The following CAMK2D variants were observed in gnomAD, a reference collection of about 807,000 sequenced individuals.
CAMK2D encodes calcium/calmodulin dependent protein kinase II delta.
A neutral mutation model predicts 84.0 loss-of-function variants in CAMK2D; 37 were observed. The ratio of observed to expected loss-of-function variants is 0.44; its 90% CI spans 0.34 to 0.58. The LOEUF is 0.58. CAMK2D is among the 20% of genes least tolerant of loss of function. The pLI is 0.02. For synonymous variants in CAMK2D, 202 were observed against 212.5 expected, an observed-to-expected ratio of 0.95 and a Z score of 0.43; for missense variants, 448 against 652.5, an observed-to-expected ratio of 0.69 and a Z score of 3.41.
At chr4:113,494,555 G>T (rs960947432) in intron 16 of CAMK2D, among the ~76,000 whole-genome samples, 1 of 152,244 alleles carries the variant, frequency 6.6e-6, no homozygotes, top group African/African-American at 2.4e-5. Context: ...CTGTCAGACA[G>T]GGACATTTAA....
intron 2 of CAMK2D, among the ~76,000 whole-genome samples, chr4:113,726,226 G>A (rs189203843): frequency 6.6e-6 from 1 of 152,104 alleles, no homozygotes; most frequent in Admixed American, 6.5e-5. Flanking sequence ...GAACCCTATT[G>A]ACTTACTGGA....
rs554608104 is a variant in CAMK2D, at chr4:113,719,640, C to T, written c.160+39680G>A. On this transcript the variant is annotated intron_variant, in intron 2 of 20. Coordinates refer to ENST00000511664, the MANE Select transcript of CAMK2D (RefSeq NM_001321571.2). ...AGCTAAATACGTATGATTCACAAAA[C>T]ACTATCAAGCTAACTCTAAAAATTT... 8.8e-4 allele frequency among the ~76,000 whole-genome samples: 134 copies of T among 152,304 alleles called. 1 individual carries two copies. The highest frequency in any genetic ancestry group is 3.1e-3 in the African/African-American group (128 of 41,572).
intron 3 of CAMK2D, among the ~76,000 whole-genome samples, chr4:113,615,490 A>C (rs1476414001): frequency 2.6e-5 from 4 of 152,090 alleles, no homozygotes; most frequent in African/African-American, 9.7e-5. Flanking sequence ...ACACAAAAGC[A>C]CTGAAAACTA....
intron 3 of CAMK2D, among the ~76,000 whole-genome samples, chr4:113,646,881 C>T (rs1436360596): frequency 2.6e-5 from 4 of 152,190 alleles, no homozygotes; most frequent in Admixed American, 2.6e-4. Flanking sequence ...GATATTGTCA[C>T]TTCACCATTT....
chr4:113,741,449 T>TA, intron 2 of CAMK2D, among the ~76,000 whole-genome samples: 1 of 152,156 alleles, frequency 6.6e-6, no homozygotes, highest in South Asian at 2.1e-4. Flanking sequence ...TCTCTTACTG[T>TA]GACTAATTTA....
chr4:113,493,489 G>C (rs1388590808), intron 16 of CAMK2D, among the ~76,000 whole-genome samples: 2 of 152,176 alleles, frequency 1.3e-5, no homozygotes, highest in Non-Finnish European at 2.9e-5. Flanking sequence ...CTTCTGGCTT[G>C]TAGGGTTTCT....
chr4:113,527,887 AT>A (rs1419334759), intron 8 of CAMK2D, among the ~76,000 whole-genome samples: 4 of 152,144 alleles, frequency 2.6e-5, no homozygotes, highest in Non-Finnish European at 4.4e-5. Flanking sequence ...CTTGTCTATC[AT>A]TTTTTATGGT....
chr4:113,748,602 C>G (rs373412300), intron 2 of CAMK2D, among the ~76,000 whole-genome samples: 29 of 151,984 alleles, frequency 1.9e-4, no homozygotes, highest in African/African-American at 6.5e-4. Context: ...TTTCTAGTCA[C>G]TTAGTGAAGT....
chr4:113,537,369 T>G lies in CAMK2D; in HGVS notation c.489A>C (p.Glu163Asp), dbSNP rs1318492199. Reference protein sequence around the residue: ...VKLADFGLAIEVQGDQQAWFG... With the variant: ...VKLADFGLAIDVQGDQQAWFG... ...ACCACGCCTGCTGGTCCCCTTGAAC[T>G]TCTATGGCTAAGCCAAAGTCTGCCA... is the stretch of plus-strand genomic sequence containing the variant. The change falls in exon 7 of 21, where the codon GAA (glutamate) becomes GAC (aspartate). Residue 163 changes from glutamate (E) to aspartate (D), a missense_variant. By Grantham distance (45) the Glu-to-Asp change is conservative. Coordinates refer to ENST00000511664, the MANE Select transcript of CAMK2D (RefSeq NM_001321571.2). 5.0e-6 allele frequency: 8 copies of G among 1,612,430 alleles called. No homozygotes were observed. Among genetic ancestry groups the G allele is most frequent in the Non-Finnish European group, 6.8e-6 (8 of 1,178,536 alleles).
chr4:113,761,318 C>G lies in CAMK2D; in HGVS notation c.-250G>C. The G allele has an allele frequency of 4.2e-6, 6 of 1,413,494 alleles. No individual in the cohort carries two copies. The South Asian group carries it at 9.0e-5, about 21-fold the overall frequency. 87.6% of individuals were successfully genotyped at this position (1,413,494 alleles called of 1,614,324 possible). On this transcript the variant is annotated 5_prime_UTR_variant, in exon 1 of 21. Coordinates refer to ENST00000511664, the MANE Select transcript of CAMK2D (RefSeq NM_001321571.2). Reference sequence around the variant, plus strand: ...CTCCTCCTGCGGGCCTCGCTTCCTTCTTCTCCACTGGACGCTCCACCCGCC... The same window carrying G: ...CTCCTCCTGCGGGCCTCGCTTCCTTGTTCTCCACTGGACGCTCCACCCGCC...
chr4:113,465,558 A>G lies in CAMK2D; in HGVS notation c.1182T>C (p.Ala394=). The change falls in exon 17 of 21, where the codon GCT becomes GCC. Residue 394 remains alanine (A), a synonymous_variant. Coordinates refer to ENST00000511664, the MANE Select transcript of CAMK2D (RefSeq NM_001321571.2). The part of the protein sequence containing the change: ...IIKVTEQLIE[A]INNGDFEAYT... ...AGGCTTCAAAGTCCCCATTGTTGAT[A>G]GCTTCGATCAGTTGTTCAGTGACTT... 1 of 1,613,236 alleles carries G rather than the reference A, an allele frequency of 6.2e-7. No homozygotes were observed. The highest frequency in any genetic ancestry group is 1.1e-5 in the South Asian group (1 of 90,992).
At chr4:113,608,270 A>C (rs2154266066) in intron 4 of CAMK2D, among the ~76,000 whole-genome samples, 1 of 152,302 alleles carries the variant, frequency 6.6e-6, no homozygotes, top group South Asian at 2.1e-4. Flanking sequence ...CCTAGTATTA[A>C]CCTACCTTCA....
intron 2 of CAMK2D, among the ~76,000 whole-genome samples, chr4:113,666,249 CA>C (rs2099256690): frequency 6.6e-6 from 1 of 152,130 alleles, no homozygotes; most frequent in Non-Finnish European, 1.5e-5. Context: ...AAGCAAATTT[CA>C]AAAGTACTTA....
intron 8 of CAMK2D, among the ~76,000 whole-genome samples, chr4:113,523,370 G>A (rs1319292683): frequency 1.3e-5 from 2 of 151,922 alleles, no homozygotes; most frequent in African/African-American, 4.8e-5. Context: ...GCAAATTCCT[G>A]AGCCTCACCT....
intron 4 of CAMK2D, among the ~76,000 whole-genome samples, chr4:113,579,217 G>C (rs964691978): frequency 6.6e-6 from 1 of 152,206 alleles, no homozygotes; most frequent in African/African-American, 2.4e-5. Flanking sequence ...CTATATTATA[G>C]TTGAGTCTTT....
intron 2 of CAMK2D, among the ~76,000 whole-genome samples, chr4:113,720,651 G>C (rs2099527832): frequency 6.6e-6 from 1 of 151,824 alleles, no homozygotes; most frequent in Non-Finnish European, 1.5e-5. Context: ...GCTTATGAAA[G>C]GGCATATTTA....
chr4:113,507,225 A>G lies in CAMK2D; in HGVS notation c.985-2190T>C, dbSNP rs113275978. Reference sequence around the variant, plus strand: ...AGACGTTCTTTTCAAAGAGTCAAATATAAGTATAGGTTCAACCACAAATGT... The same window carrying G: ...AGACGTTCTTTTCAAAGAGTCAAATGTAAGTATAGGTTCAACCACAAATGT... On this transcript the variant is annotated intron_variant, in intron 13 of 20. Transcript: ENST00000511664. Among the ~76,000 whole-genome samples the G allele has an allele frequency of 3.9e-3, 596 of 152,112 alleles. 4 individuals carry two copies. Among genetic ancestry groups the G allele is most frequent in the African/African-American group, 0.013 (553 of 41,506 alleles).
At chr4:113,570,521 A>C (rs1194397121) in intron 4 of CAMK2D, among the ~76,000 whole-genome samples, 1 of 152,186 alleles carries the variant, frequency 6.6e-6, no homozygotes, top group African/African-American at 2.4e-5. Flanking sequence ...AATTTTCAAC[A>C]AAGATGCCAA....
chr4:113,502,776 G>A (rs974873217), intron 15 of CAMK2D, among the ~76,000 whole-genome samples, 160 bp downstream of exon 15: 1 of 152,154 alleles, frequency 6.6e-6, no homozygotes, highest in Non-Finnish European at 1.5e-5. Context: ...TTTGCAAGAA[G>A]TATGTCCATA....
Sources: allele counts gnomAD v4.1 joint callset (sites outside exome capture counted in the v4.1 genomes callset), GRCh38; gene constraint gnomAD v4.1.1; transcripts MANE v1.5; gene names NCBI Gene and HGNC (gene_info 2026-07-23, HGNC 2026-07-21).